The following TNR variants were observed in gnomAD, a reference collection of about 807,000 sequenced individuals.
The protein encoded by TNR is tenascin-R.
TNR carries 45 observed loss-of-function variants against 150.4 expected under a neutral mutation model. The observed-to-expected ratio is 0.30, with a 90% CI of 0.24 to 0.38. TNR has a LOEUF of 0.38. Ranked by LOEUF, TNR falls within the 10% of genes least tolerant of loss-of-function variation. The pLI, the probability that TNR is intolerant of heterozygous loss-of-function variation, is 1.00. For synonymous variants in TNR, 687 were observed against 678.4 expected, an observed-to-expected ratio of 1.01 and a Z score of -0.20; for missense variants, 1,544 against 1,759.1, an observed-to-expected ratio of 0.88 and a Z score of 2.19.
chr1:175,450,849 A>G (rs1656273567), intron 2 of TNR, among the ~76,000 whole-genome samples: 1 of 152,226 alleles, frequency 6.6e-6, no homozygotes, highest in East Asian at 1.9e-4. Flanking sequence ...AGCACAGTTA[A>G]GTTGCATCCA....
chr1:175,566,742 C>G (rs1434436862), intron 1 of TNR, among the ~76,000 whole-genome samples: 1 of 152,216 alleles, frequency 6.6e-6, no homozygotes, highest in Non-Finnish European at 1.5e-5. Context: ...TCTGATTCCC[C>G]AGATTAATCA....
chr1:175,650,203 G>A (rs1392479238), intron 1 of TNR, among the ~76,000 whole-genome samples: 1 of 152,092 alleles, frequency 6.6e-6, no homozygotes, highest in East Asian at 1.9e-4. Context: ...CCAACATGGT[G>A]AAACTCCCAT....
chr1:175,394,951 G>A (rs1034214069), intron 5 of TNR, among the ~76,000 whole-genome samples: 4 of 152,314 alleles, frequency 2.6e-5, no homozygotes, highest in East Asian at 1.9e-4. Context: ...GGCACTTAGG[G>A]TGGTGACTCA....
chr1:175,729,808 T>C (rs1279900975), intron 1 of TNR, among the ~76,000 whole-genome samples: 1 of 152,204 alleles, frequency 6.6e-6, no homozygotes, highest in Non-Finnish European at 1.5e-5. Context: ...GGAATTCTAC[T>C]GAAGATGGGG....
At chr1:175,738,346 G>T (rs1412849640) in intron 1 of TNR, among the ~76,000 whole-genome samples, 1 of 152,162 alleles carries the variant, frequency 6.6e-6, no homozygotes, top group Non-Finnish European at 1.5e-5. Context: ...CCATAAAAAG[G>T]AAGGAAGTTC....
intron 1 of TNR, among the ~76,000 whole-genome samples, chr1:175,547,078 G>A (rs1022073315): frequency 1.3e-5 from 2 of 152,198 alleles, no homozygotes; most frequent in Admixed American, 1.3e-4. Context: ...CCACTATCCA[G>A]ACAGGCACAG....
intron 8 of TNR, among the ~76,000 whole-genome samples, chr1:175,380,438 C>T (rs1652617252): frequency 6.6e-6 from 1 of 152,036 alleles, no homozygotes; most frequent in Non-Finnish European, 1.5e-5. Context: ...AAAATAGGTG[C>T]CCAGCGCCTG....
intron 2 of TNR, among the ~76,000 whole-genome samples, chr1:175,471,096 A>T (rs772796200): frequency 1.8e-4 from 27 of 152,248 alleles, no homozygotes; most frequent in Non-Finnish European, 5.9e-5. Context: ...TAGTCAGCGA[A>T]GAGAGAAGGG....
intron 1 of TNR, among the ~76,000 whole-genome samples, chr1:175,648,517 T>C (rs1294698540): frequency 6.6e-6 from 1 of 152,136 alleles, no homozygotes; most frequent in African/African-American, 2.4e-5. Context: ...GGGCTAATTT[T>C]AGTTCTCACC....
intron 1 of TNR, among the ~76,000 whole-genome samples, chr1:175,678,265 C>T (rs1041338393): frequency 6.6e-6 from 1 of 152,172 alleles, no homozygotes. Flanking sequence ...TTTTGTGCTC[C>T]CCAGACATAG....
At chr1:175,391,175 CTCTAGGAGAAAT>C in intron 7 of TNR, 101 bp downstream of exon 7, 1 of 1,378,112 alleles carries the variant, frequency 7.3e-7, no homozygotes, top group South Asian at 1.4e-5. Flanking sequence ...ATTGTCCCAG[CTCTAGGAGAAAT>C]TCTAGCACCT....
intron 20 of TNR, among the ~76,000 whole-genome samples, chr1:175,334,182 A>G (rs1650100065): frequency 1.3e-5 from 2 of 152,218 alleles, no homozygotes; most frequent in African/African-American, 4.8e-5. Context: ...TGCAAAGATC[A>G]TGACAGTGAG....
intron 2 of TNR, among the ~76,000 whole-genome samples, chr1:175,507,905 C>T (rs1659023242): frequency 6.6e-6 from 1 of 152,192 alleles, no homozygotes. Flanking sequence ...GTGGAATTTA[C>T]TTATCTATTT....
chr1:175,352,990 T>C (rs1004508776), intron 18 of TNR, among the ~76,000 whole-genome samples: 1 of 152,138 alleles, frequency 6.6e-6, no homozygotes, highest in Admixed American at 6.5e-5. Flanking sequence ...CCAGTCATTC[T>C]GGTGCTCTGA....
chr1:175,694,267 G>T (rs543270243), intron 1 of TNR, among the ~76,000 whole-genome samples: 116 of 152,254 alleles, frequency 7.6e-4, no homozygotes, highest in African/African-American at 2.8e-3. Context: ...TGGTCTTCCT[G>T]CCATCACTTC....
At position 175,386,562 on chromosome 1, in the gene TNR, T is replaced by C. The variant is rs116317429; in HGVS notation, c.1508-261A>G. Among the ~76,000 whole-genome samples the C allele has an allele frequency of 3.5e-3, 527 of 152,270 alleles. 4 individuals carry two copies. The highest frequency in any genetic ancestry group is 0.012 in the African/African-American group (485 of 41,546). On this transcript the variant is annotated intron_variant, in intron 7 of 22. Coordinates refer to ENST00000367674, the MANE Select transcript of TNR (RefSeq NM_003285.3). ...GTTTCCAGGTGATGGCACTTCCCAGTCTGGGCAGGGGAAGGGCACTTGCTG... is the reference window on the plus strand; with the variant it reads ...GTTTCCAGGTGATGGCACTTCCCAGCCTGGGCAGGGGAAGGGCACTTGCTG...
At chr1:175,521,604 G>A (rs144248907) in intron 2 of TNR, among the ~76,000 whole-genome samples, 1 of 152,224 alleles carries the variant, frequency 6.6e-6, no homozygotes. Context: ...AACATCCTCA[G>A]AAACCTTTTC....
intron 1 of TNR, among the ~76,000 whole-genome samples, chr1:175,630,395 A>T (rs529407842): frequency 6.6e-6 from 1 of 152,348 alleles, no homozygotes; most frequent in Admixed American, 6.5e-5. Context: ...ACAAGTTGAA[A>T]ACAATTATGT....
At chr1:175,701,290 G>T (rs1250719233) in intron 1 of TNR, among the ~76,000 whole-genome samples, 1 of 152,036 alleles carries the variant, frequency 6.6e-6, no homozygotes, top group Non-Finnish European at 1.5e-5. Flanking sequence ...CCATCGAAAT[G>T]GATCTCACAG....
Sources: gnomAD v4.1 joint callset for allele counts (sites outside exome capture counted in the v4.1 genomes callset) on GRCh38, gnomAD v4.1.1 for gene constraint, MANE v1.5 for transcripts, NCBI Gene and HGNC (gene_info 2026-07-23, HGNC 2026-07-21) for gene names.